The following TDP1 variants were observed in gnomAD, a reference collection of about 807,000 sequenced individuals.
The protein encoded by TDP1 is tyr-DNA phosphodiesterase 1.
TDP1 carries 64 observed loss-of-function variants against 81.5 expected under a neutral mutation model. The ratio of observed to expected loss-of-function variants is 0.79; its 90% CI spans 0.64 to 0.97. TDP1 has a LOEUF of 0.97. Ranked by LOEUF, TDP1 falls within the 50% of genes least tolerant of loss-of-function variation. The probability of loss-of-function intolerance (pLI) is 0.00; values close to 1 mark genes in which losing one functional copy is unlikely to be tolerated. For missense variants in TDP1, 723 were observed against 743.8 expected (o/e 0.97, Z 0.33); for synonymous variants, 256 against 264.3 (o/e 0.97, Z 0.30).
intron 15 of TDP1, among the ~76,000 whole-genome samples, chr14:90,029,048 C>T (rs1886964096): frequency 2.6e-5 from 4 of 152,224 alleles, no homozygotes; most frequent in African/African-American, 4.8e-5. Flanking sequence ...GAATTTGGCT[C>T]ATCTTGACCC....
At chr14:90,030,274 C>T (rs1048002663) in intron 15 of TDP1, among the ~76,000 whole-genome samples, 5 of 152,164 alleles carry the variant, frequency 3.3e-5, no homozygotes, top group African/African-American at 7.2e-5. Context: ...CTCGCCCTCC[C>T]GGGATGTGCC....
At position 90,022,887 on chromosome 14, in the gene TDP1, A is replaced by G; in HGVS notation, c.1644+3469A>G. On this transcript the variant is annotated intron_variant, in intron 15 of 16. Transcript: ENST00000335725. ...CAGGAGTGAGATGCTTAACTTGTGA[A>G]GGAGAGGCTGTCCAACGGAACAGCC... 7.0e-6 allele frequency: 6 copies of G among 856,230 alleles called. No homozygotes were observed. In the South Asian group the frequency reaches 1.1e-4, roughly 15 times the overall value. 53.0% of individuals were successfully genotyped at this position (856,230 alleles called of 1,614,324 possible).
chr14:89,989,730 T>C lies in TDP1; in HGVS notation c.1331T>C (p.Val444Ala), dbSNP rs1895978339. ...SVPLYLIYPSVENVRTSLEGY... is the reference protein window; with the variant it reads ...SVPLYLIYPSAENVRTSLEGY... ...TCTTATTTTTAGATCTATCCTTCTG[T>C]GGAAAATGTGCGGACCAGTTTAGAA... is the stretch of plus-strand genomic sequence containing the variant. The change falls in exon 12 of 17, where the codon GTG becomes GCG. Residue 444 changes from valine (V) to alanine (A), a missense_variant. Coordinates refer to ENST00000335725, the MANE Select transcript of TDP1 (RefSeq NM_018319.4). The C allele has an allele frequency of 6.2e-7, 1 of 1,611,146 alleles. No homozygotes were observed. The highest frequency in any genetic ancestry group is 8.5e-7 in the Non-Finnish European group (1 of 1,177,376).
chr14:89,980,260 A>T (rs961002246), intron 7 of TDP1: 1 of 985,304 alleles, frequency 1.0e-6, no homozygotes, highest in African/African-American at 1.7e-5. Context: ...TGAATAGATA[A>T]TAAGGGGCCA....
intron 2 of TDP1, among the ~76,000 whole-genome samples, chr14:89,960,649 G>A (rs1324654722): frequency 1.3e-5 from 2 of 152,204 alleles, no homozygotes; most frequent in Non-Finnish European, 2.9e-5. Flanking sequence ...ATAAGGCTTT[G>A]GCTGTGAGAT....
chr14:89,991,999 A>G lies in TDP1; in HGVS notation c.1433+16A>G. Reference sequence around the variant, plus strand: ...CCTATTTTCAGTAAGTAATTGGTTTAGACTGCTGCTATTGCTTCTTTAGGA... The same window carrying G: ...CCTATTTTCAGTAAGTAATTGGTTTGGACTGCTGCTATTGCTTCTTTAGGA... On this transcript the variant is annotated intron_variant, in intron 13 of 16. Transcript: ENST00000335725. The G allele has an allele frequency of 6.2e-6, 10 of 1,607,366 alleles. No homozygotes were observed. The highest frequency in any genetic ancestry group is 8.5e-6 in the Non-Finnish European group (10 of 1,175,222).
rs1892929135 is a variant in TDP1, at chr14:89,966,207, G to A, written c.603+17G>A. ...TCAGCTCAGGTGAGTATACCTTTAA[G>A]CTGTTTTTTCTTTGGGTGAAAGTAG... On this transcript the variant is annotated intron_variant, in intron 4 of 16. Transcript: ENST00000335725. The A allele has an allele frequency of 1.3e-6, 2 of 1,575,346 alleles. No individual in the cohort carries two copies. The highest frequency in any genetic ancestry group is 2.7e-5 in the African/African-American group (2 of 74,084).
intron 15 of TDP1, among the ~76,000 whole-genome samples, chr14:90,029,194 A>AT (rs539198642): frequency 0.08 from 9,283 of 116,156 alleles, 445 homozygotes; most frequent in African/African-American, 0.11. Flanking sequence ...CCCTGCCATT[A>AT]TTTTTTTTTT....
intron 14 of TDP1, among the ~76,000 whole-genome samples, chr14:89,998,884 C>T (rs530779837): frequency 3.7e-4 from 56 of 151,936 alleles, no homozygotes; most frequent in Admixed American, 8.5e-4. Flanking sequence ...CAGATATTAC[C>T]GTTTCTTTGA....
intron 16 of TDP1, among the ~76,000 whole-genome samples, chr14:90,036,016 T>G (rs972052410): frequency 6.6e-6 from 1 of 152,216 alleles, no homozygotes; most frequent in Admixed American, 6.5e-5. Context: ...CTAGGTATAG[T>G]GTCTTAGACC....
chr14:89,965,342 G>A (rs954334850), intron 3 of TDP1, among the ~76,000 whole-genome samples: 4 of 147,402 alleles, frequency 2.7e-5, no homozygotes, highest in Admixed American at 1.3e-4. Context: ...TTCAAACCCC[G>A]ACTGTACCCC....
At chr14:89,972,914 A>G (rs1414493010) in intron 6 of TDP1, among the ~76,000 whole-genome samples, 3 of 151,884 alleles carry the variant, frequency 2.0e-5, no homozygotes, top group African/African-American at 7.3e-5. Context: ...TCCTTTCTGG[A>G]TTTTTTTTCT....
chr14:89,969,895 G>A (rs375212165), intron 5 of TDP1, among the ~76,000 whole-genome samples: 1 of 30,056 alleles, frequency 3.3e-5, no homozygotes, highest in Non-Finnish European at 6.9e-5. Context: ...TTTTTTTTTT[G>A]AGGCGGAGTC....
intron 14 of TDP1, among the ~76,000 whole-genome samples, chr14:90,012,053 G>A (rs1356076410): frequency 6.6e-6 from 1 of 152,222 alleles, no homozygotes; most frequent in Non-Finnish European, 1.5e-5. Flanking sequence ...GCCGCTTTGT[G>A]CAGTCTTGGG....
chr14:90,016,631 GACTTCTA>G (rs1279969165), intron 14 of TDP1, among the ~76,000 whole-genome samples: 2 of 152,164 alleles, frequency 1.3e-5, no homozygotes, highest in Non-Finnish European at 2.9e-5. Flanking sequence ...CTGCTCTGTA[GACTTCTA>G]GCTCCAGCAT....
rs1179694782 is a variant in TDP1, at chr14:89,980,575, G to A, written c.827G>A (p.Arg276Gln). 8 of 1,614,008 alleles carry A rather than the reference G, an allele frequency of 5.0e-6. No individual in the cohort carries two copies. Among genetic ancestry groups the A allele is most frequent in the South Asian group, 4.4e-5 (4 of 91,066 alleles). The change falls in exon 8 of 17, where the codon CGG becomes CAG. Residue 276 changes from arginine (R) to glutamine (Q), a missense_variant. Arg to Gln is a conservative substitution (Grantham distance 43). Transcript: ENST00000335725. ...CTGCTGCTCTATGAAGAAGGCCTCC[G>A]GGTTGTCATACACACCTCCAACCTC... The part of the protein sequence containing the change: ...MMLLLYEEGL[R>Q]VVIHTSNLIH...
chr14:90,023,812 C>T (rs900786709), intron 15 of TDP1, among the ~76,000 whole-genome samples: 2 of 152,260 alleles, frequency 1.3e-5, no homozygotes, highest in South Asian at 4.2e-4. Context: ...GCTGGGACTA[C>T]AAGTGTGTGC....
intron 14 of TDP1, among the ~76,000 whole-genome samples, chr14:89,997,032 A>G (rs1402404455): frequency 6.6e-6 from 1 of 152,240 alleles, no homozygotes; most frequent in African/African-American, 2.4e-5. Context: ...TTACCAAAGA[A>G]TTCATTGTAT....
chr14:90,024,327 C>T (rs1409604849), intron 15 of TDP1, among the ~76,000 whole-genome samples: 2 of 152,224 alleles, frequency 1.3e-5, no homozygotes, highest in Non-Finnish European at 2.9e-5. Context: ...CCTCTGCCTG[C>T]TGCACCTGTC....
Sources: allele counts gnomAD v4.1 joint callset (sites outside exome capture counted in the v4.1 genomes callset), GRCh38; gene constraint gnomAD v4.1.1; transcripts MANE v1.5; gene names NCBI Gene and HGNC (gene_info 2026-07-23, HGNC 2026-07-21).